TMEM178B: variants seen among roughly 807,000 people sequenced by gnomAD.
TMEM178B encodes the protein transmembrane protein 178B.
TMEM178B carries 5 observed loss-of-function variants against 31.0 expected under a neutral mutation model. The ratio of observed to expected loss-of-function variants is 0.16; its 90% CI spans 0.08 to 0.34. The LOEUF is 0.34. Among genes scored for constraint, TMEM178B ranks in the 10% least tolerant of loss-of-function variants. The pLI, the probability that TMEM178B is intolerant of heterozygous loss-of-function variation, is 1.00. For synonymous variants in TMEM178B, 164 were observed against 164.0 expected (o/e 1.00, Z 0.00); for missense variants, 275 against 400.3 (o/e 0.69, Z 2.67).
chr7:141,406,468 GACAA>G (rs1170736276), intron 2 of TMEM178B, among the ~76,000 whole-genome samples: 3 of 152,146 alleles, frequency 2.0e-5, no homozygotes, highest in Non-Finnish European at 4.4e-5. Context: ...CTTCTAACAG[GACAA>G]ACAACTACTA....
intron 2 of TMEM178B, among the ~76,000 whole-genome samples, chr7:141,313,020 A>G (rs553273969): frequency 6.6e-6 from 1 of 152,320 alleles, no homozygotes; most frequent in Non-Finnish European, 1.5e-5. Flanking sequence ...GCAGCCCAGT[A>G]GGTCTCAGCC....
intron 2 of TMEM178B, among the ~76,000 whole-genome samples, chr7:141,225,574 A>C (rs374688490): frequency 2.0e-4 from 30 of 152,208 alleles, no homozygotes; most frequent in African/African-American, 7.0e-4. Context: ...ATTCTAAATA[A>C]TTGCCTCAAC....
intron 2 of TMEM178B, among the ~76,000 whole-genome samples, chr7:141,245,144 T>TG (rs1223329485): frequency 9.3e-6 from 1 of 107,232 alleles, no homozygotes; most frequent in East Asian, 3.1e-4. Flanking sequence ...AACTCCAGCC[T>TG]GGGTGACAGA....
chr7:141,369,706 A>G (rs1800077921), intron 2 of TMEM178B, among the ~76,000 whole-genome samples: 2 of 151,698 alleles, frequency 1.3e-5, no homozygotes, highest in Admixed American at 1.3e-4. Context: ...TGCCACTTTC[A>G]CTCTTGGGAA....
chr7:141,349,066 A>G (rs1291099600), intron 2 of TMEM178B, among the ~76,000 whole-genome samples: 4 of 152,230 alleles, frequency 2.6e-5, no homozygotes, highest in Admixed American at 1.3e-4. Context: ...TTATCTTTCC[A>G]CTAGACTTTT....
At chr7:141,261,913 G>A (rs936087884) in intron 2 of TMEM178B, among the ~76,000 whole-genome samples, 1 of 152,074 alleles carries the variant, frequency 6.6e-6, no homozygotes, top group Non-Finnish European at 1.5e-5. Flanking sequence ...ACCTTGCTAG[G>A]CTCCTGTTTC....
At chr7:141,378,932 C>T (rs1157982924) in intron 2 of TMEM178B, among the ~76,000 whole-genome samples, 2 of 152,166 alleles carry the variant, frequency 1.3e-5, no homozygotes, top group Non-Finnish European at 2.9e-5. Context: ...TTGGGGGCAC[C>T]CTAGATGTGC....
chr7:141,480,396 A>C (rs1300879268), downstream of TMEM178B: 1 of 152,216 alleles, frequency 6.6e-6, no homozygotes, highest in African/African-American at 2.4e-5. Context: ...GTGTCTGCTT[A>C]GGGGTAGGGA....
At chr7:141,127,191 C>T (rs1795512680) in intron 1 of TMEM178B, among the ~76,000 whole-genome samples, 1 of 152,266 alleles carries the variant, frequency 6.6e-6, no homozygotes, top group East Asian at 1.9e-4. Flanking sequence ...AGGGATCGAG[C>T]TCTTTTTCTT....
At chr7:141,337,940 C>T (rs1799453020) in intron 2 of TMEM178B, among the ~76,000 whole-genome samples, 1 of 152,108 alleles carries the variant, frequency 6.6e-6, no homozygotes, top group Admixed American at 6.5e-5. Flanking sequence ...CGGGTTCACA[C>T]CATTCTCCTG....
intron 2 of TMEM178B, among the ~76,000 whole-genome samples, chr7:141,328,156 G>A (rs1405212438): frequency 1.3e-5 from 2 of 152,210 alleles, no homozygotes; most frequent in African/African-American, 4.8e-5. Context: ...TCCTGAGGGA[G>A]AATGTATCTA....
Position 141,348,218 on chromosome 7 carries a change from T to A in TMEM178B, c.497-89390T>A, listed in dbSNP as rs114961126. ...CATTTCCAAATTTCGCAGTTATTTC[T>A]TTCTACTGAAAAATAAGGTCACAAA... On this transcript the variant is annotated intron_variant, in intron 2 of 3. Transcript: ENST00000565468. 8.8e-3 allele frequency among the ~76,000 whole-genome samples: 1,340 copies of A among 152,372 alleles called. 20 individuals are homozygous for A. Among genetic ancestry groups the A allele is most frequent in the South Asian group, 0.038 (185 of 4,828 alleles).
chr7:141,295,734 C>T (rs529314427), intron 2 of TMEM178B, among the ~76,000 whole-genome samples: 83 of 151,878 alleles, frequency 5.5e-4, no homozygotes, highest in Non-Finnish European at 8.5e-4. Flanking sequence ...ACAAAGCACA[C>T]GGGGGCCAAG....
chr7:141,171,731 C>T lies in TMEM178B; in HGVS notation c.383-40860C>T, dbSNP rs561655616. Among the ~76,000 whole-genome samples, 111 of 152,098 alleles carry T rather than the reference C, an allele frequency of 7.3e-4. 4 individuals carry two copies. Among genetic ancestry groups the T allele is most frequent in the Non-Finnish European group, 5.7e-4 (39 of 68,022 alleles). On this transcript the variant is annotated intron_variant, in intron 1 of 3. Coordinates refer to ENST00000565468, the MANE Select transcript of TMEM178B (RefSeq NM_001195278.2). The surrounding 1 kb of genome is among the most constrained non-coding windows in gnomAD (Gnocchi z 4.3). ...TTAGACAGGGCAGGGGGTAGAGAGG[C>T]GACAGTTAAGCAAGGCAGTGTGAAC...
At chr7:141,248,395 G>T (rs562147497) in intron 2 of TMEM178B, among the ~76,000 whole-genome samples, 1 of 152,158 alleles carries the variant, frequency 6.6e-6, no homozygotes, top group Admixed American at 6.5e-5. Context: ...TAGCAAATAA[G>T]TGTATCGGAT....
chr7:141,215,822 CTTTCTTTCTTTCTTTCT>C lies in TMEM178B; in HGVS notation c.496+3126_496+3142del, dbSNP rs1225205391. On this transcript the variant is annotated intron_variant, in intron 2 of 3. Coordinates refer to ENST00000565468, the MANE Select transcript of TMEM178B (RefSeq NM_001195278.2). ...TCTTTCTTTCTTTCTTTCTTTCTTT[CTTTCTTTCTTTCTTTCT>C]TTTCTTTTCTTTTCTTTCTCTTTCT... Among the ~76,000 whole-genome samples, 158 of 70,148 alleles carry C rather than the reference CTTTCTTTCTTTCTTTCT, an allele frequency of 2.3e-3. 6 individuals are homozygous for C. The highest frequency in any genetic ancestry group is 0.02 in the Admixed American group (96 of 4,780). 46.0% of individuals were successfully genotyped at this position (70,148 alleles called of 152,430 possible).
intron 2 of TMEM178B, among the ~76,000 whole-genome samples, chr7:141,332,759 A>G (rs1799318529): frequency 6.6e-6 from 1 of 152,214 alleles, no homozygotes; most frequent in African/African-American, 2.4e-5. Context: ...TGCCCATCTC[A>G]CCTGGAATAT....
intron 1 of TMEM178B, among the ~76,000 whole-genome samples, chr7:141,076,725 C>G (rs1794606190): frequency 6.6e-6 from 1 of 152,178 alleles, no homozygotes; most frequent in Non-Finnish European, 1.5e-5. Context: ...ATTGCAGCAA[C>G]AGAAAATGGA....
chr7:141,200,175 C>G (rs1796853194), intron 1 of TMEM178B, among the ~76,000 whole-genome samples: 1 of 152,144 alleles, frequency 6.6e-6, no homozygotes, highest in South Asian at 2.1e-4. Context: ...GCCACTGTGC[C>G]TGGCCCATTT....
Sources: allele counts gnomAD v4.1 joint callset (sites outside exome capture counted in the v4.1 genomes callset), GRCh38; gene constraint gnomAD v4.1.1; non-coding constraint Gnocchi (gnomAD v3.1); transcripts MANE v1.5; gene names NCBI Gene and HGNC (gene_info 2026-07-23, HGNC 2026-07-21).